CEP128: variants seen among roughly 807,000 people sequenced by gnomAD.
CEP128 encodes centrosomal protein 128kDa.
Under a neutral mutation model 156.7 loss-of-function variants are expected in CEP128, and 132 were observed. That is an observed-to-expected ratio of 0.84 (90% CI 0.73 to 0.97). CEP128 has a LOEUF of 0.97. Ranked by LOEUF, CEP128 falls within the 50% of genes least tolerant of loss-of-function variation. The probability of loss-of-function intolerance (pLI) is 0.00; values close to 1 mark genes in which losing one functional copy is unlikely to be tolerated. For missense variants in CEP128, 1,252 were observed against 1,281.9 expected (o/e 0.98, Z 0.36); for synonymous variants, 469 against 448.9 (o/e 1.04, Z -0.57).
intron 22 of CEP128, among the ~76,000 whole-genome samples, chr14:80,528,690 T>C (rs185355047): frequency 2.0e-5 from 3 of 152,350 alleles, no homozygotes; most frequent in Admixed American, 2.0e-4. Context: ...TCATAGGCTA[T>C]GGTACTATCA....
rs558679361 is a variant in CEP128 at position 80,774,615 on chromosome 14, G to A, written c.2376+3267C>T. ...TTTCTTTACATATATACATATGTGT[G>A]TGTGTGTGTGCGTGTGTGTGTATGT... On this transcript the variant is annotated intron_variant, in intron 16 of 24. Transcript: ENST00000555265. Among the ~76,000 whole-genome samples the A allele has an allele frequency of 4.6e-4, 70 of 152,134 alleles. 1 individual carries two copies. The highest frequency in any genetic ancestry group is 1.7e-3 in the South Asian group (8 of 4,812).
chr14:80,704,741 T>C (rs1897182408), intron 19 of CEP128, among the ~76,000 whole-genome samples: 1 of 151,968 alleles, frequency 6.6e-6, no homozygotes, highest in Non-Finnish European at 1.5e-5. Context: ...TGATTCTGTC[T>C]CTCCTTCCTT....
intron 20 of CEP128, among the ~76,000 whole-genome samples, chr14:80,573,522 G>C (rs531071638): frequency 6.6e-6 from 1 of 151,800 alleles, no homozygotes; most frequent in Non-Finnish European, 1.5e-5. Flanking sequence ...TCTTTCGTAG[G>C]GTATTCTATT....
At chr14:80,803,865 A>G (rs1224144499) in intron 13 of CEP128, among the ~76,000 whole-genome samples, 1 of 152,128 alleles carries the variant, frequency 6.6e-6, no homozygotes, top group Non-Finnish European at 1.5e-5. Context: ...CAGTTTTATG[A>G]TATCTGAGAA....
At chr14:80,580,866 C>T (rs935333072) in intron 19 of CEP128, among the ~76,000 whole-genome samples, 2 of 152,174 alleles carry the variant, frequency 1.3e-5, no homozygotes, top group East Asian at 3.8e-4. Context: ...TCCACCCCTA[C>T]AGTCAATTTT....
intron 3 of CEP128, among the ~76,000 whole-genome samples, chr14:80,915,334 T>C (rs1884486805): frequency 6.6e-6 from 1 of 152,170 alleles, no homozygotes; most frequent in African/African-American, 2.4e-5. Flanking sequence ...TTATGTTACT[T>C]TAAATGAGTT....
rs1378690690 is a variant in CEP128 at position 80,673,640 on chromosome 14, C to T, written c.2806+69435G>A. Among the ~76,000 whole-genome samples, 7 of 44,982 alleles carry T rather than the reference C, an allele frequency of 1.6e-4. No individual in the cohort carries two copies. The Admixed American group carries it at 1.8e-3, about 11-fold the overall frequency. 29.5% of individuals were successfully genotyped at this position (44,982 alleles called of 152,430 possible). Reference sequence around the variant, plus strand: ...CAGCCTGGGCGACAGAGCGAGACTCCGTCTCAAAAAAAAAAAAAAAAAAAA... The same window carrying T: ...CAGCCTGGGCGACAGAGCGAGACTCTGTCTCAAAAAAAAAAAAAAAAAAAA... On this transcript the variant is annotated intron_variant, in intron 19 of 24. Coordinates refer to ENST00000555265, the MANE Select transcript of CEP128 (RefSeq NM_152446.5).
intron 21 of CEP128, among the ~76,000 whole-genome samples, chr14:80,546,737 A>G (rs1056916918): frequency 6.6e-6 from 1 of 152,168 alleles, no homozygotes; most frequent in Non-Finnish European, 1.5e-5. Context: ...GCTAGGAGAG[A>G]AAAACATCAC....
At chr14:80,820,357 T>C (rs1224839087) in intron 13 of CEP128, among the ~76,000 whole-genome samples, 19 of 152,228 alleles carry the variant, frequency 1.2e-4, no homozygotes. Context: ...CTCTGAATGA[T>C]CATATCTTCC....
intron 17 of CEP128, among the ~76,000 whole-genome samples, chr14:80,758,774 C>A (rs1899805608): frequency 6.6e-6 from 1 of 152,096 alleles, no homozygotes; most frequent in Admixed American, 6.5e-5. Flanking sequence ...CTTGAGTATC[C>A]ACTAAGCGCA....
upstream of CEP128, among the ~76,000 whole-genome samples, chr14:80,944,353 C>A (rs79176708): frequency 1.3e-5 from 2 of 152,082 alleles, no homozygotes; most frequent in African/African-American, 4.8e-5. Context: ...GCAGTTCCCC[C>A]ACGCTGTTCT....
At chr14:80,500,527 A>T (rs1361174288) in intron 24 of CEP128, among the ~76,000 whole-genome samples, 1 of 152,242 alleles carries the variant, frequency 6.6e-6, no homozygotes, top group African/African-American at 2.4e-5. Flanking sequence ...GGGTTTTCTC[A>T]GTAACACTTG....
At chr14:80,775,271 A>G (rs1211286191) in intron 16 of CEP128, among the ~76,000 whole-genome samples, 1 of 152,214 alleles carries the variant, frequency 6.6e-6, no homozygotes, top group Non-Finnish European at 1.5e-5. Flanking sequence ...TCAAAGTTTT[A>G]CGCATAATCA....
At chr14:80,616,865 A>T (rs898371856) in intron 19 of CEP128, among the ~76,000 whole-genome samples, 13 of 152,246 alleles carry the variant, frequency 8.5e-5, no homozygotes, top group African/African-American at 3.1e-4. Flanking sequence ...AAAACAAAAA[A>T]AGAGAAAGCT....
chr14:80,868,394 G>A (rs1887872670), intron 8 of CEP128, among the ~76,000 whole-genome samples: 1 of 152,128 alleles, frequency 6.6e-6, no homozygotes, highest in Non-Finnish European at 1.5e-5. Flanking sequence ...GAAGTTAAGT[G>A]TAGACTCTGT....
At chr14:80,711,999 C>G (rs900588718) in intron 19 of CEP128, among the ~76,000 whole-genome samples, 2 of 151,990 alleles carry the variant, frequency 1.3e-5, no homozygotes, top group African/African-American at 4.8e-5. Flanking sequence ...TAATTTGTTC[C>G]TTGTAATCTA....
chr14:80,509,738 T>A (rs963889976), intron 23 of CEP128, among the ~76,000 whole-genome samples: 5 of 152,224 alleles, frequency 3.3e-5, no homozygotes, highest in Non-Finnish European at 7.3e-5. Context: ...TTCTTTTTTC[T>A]TATAGTAGTT....
chr14:80,546,642 G>T (rs1889996850), intron 21 of CEP128, among the ~76,000 whole-genome samples: 1 of 152,160 alleles, frequency 6.6e-6, no homozygotes, highest in South Asian at 2.1e-4. Context: ...GCTTTCTAAA[G>T]CCACTATATA....
chr14:80,743,888 T>C (rs1024515179), intron 18 of CEP128, among the ~76,000 whole-genome samples: 2 of 151,716 alleles, frequency 1.3e-5, no homozygotes, highest in African/African-American at 2.4e-5. Context: ...TTTTTTTTTT[T>C]CGAGACATAA....
Sources: gnomAD v4.1 joint callset for allele counts (sites outside exome capture counted in the v4.1 genomes callset) on GRCh38, gnomAD v4.1.1 for gene constraint, MANE v1.5 for transcripts, NCBI Gene and HGNC (gene_info 2026-07-23, HGNC 2026-07-21) for gene names.